The following DAPK3 variants were observed in gnomAD, a reference collection of about 807,000 sequenced individuals.
DAPK3 encodes the protein death associated protein kinase 3.
In DAPK3, 24 loss-of-function variants were observed where a neutral mutation model predicts 30.6. The observed-to-expected ratio is 0.78, with a 90% CI of 0.57 to 1.10. The LOEUF is 1.10. DAPK3 is among the 50% of genes least tolerant of loss of function. The pLI is 0.00. For synonymous variants in DAPK3, 341 were observed against 284.0 expected (o/e 1.20, Z -2.02); for missense variants, 629 against 657.3 (o/e 0.96, Z 0.47).
chr19:3,961,253 A>G, intron 6 of DAPK3, 92 bp from the exon 7 acceptor site: 1 of 1,079,930 alleles, frequency 9.3e-7, no homozygotes, highest in African/African-American at 1.5e-5. Context: ...GGAGCACAGA[A>G]GACAGGCTGA....
Position 3,969,738 on chromosome 19 carries a change from C to CG in DAPK3, c.-4dup. The CG allele has an allele frequency of 6.2e-7, 1 of 1,609,408 alleles. No individual in the cohort carries two copies. The highest frequency in any genetic ancestry group is 2.2e-5 in the East Asian group (1 of 44,862). Reference sequence around the variant, plus strand: ...TCCTCCTGCCTGAACGTGGACATGGCGGCCGGTCCGCCTTCCAGCAGCTTC... The same window carrying CG: ...TCCTCCTGCCTGAACGTGGACATGGCGGGCCGGTCCGCCTTCCAGCAGCTTC... On this transcript the variant is annotated 5_prime_UTR_variant, in exon 2 of 9. Coordinates refer to ENST00000545797, the MANE Select transcript of DAPK3 (RefSeq NM_001348.3).
At chr19:3,965,387 A>C (rs1032589418) in intron 2 of DAPK3, among the ~76,000 whole-genome samples, 1 of 152,178 alleles carries the variant, frequency 6.6e-6, no homozygotes, top group Non-Finnish European at 1.5e-5. Context: ...GAGTTCGAGG[A>C]GGGCAGATAA....
intron 3 of DAPK3, 108 bp downstream of exon 3, chr19:3,964,523 T>G: frequency 1.0e-5 from 8 of 779,956 alleles, no homozygotes; most frequent in East Asian, 4.9e-5. Context: ...ACCCCCACGC[T>G]CCCCACACCT....
At chr19:3,963,036 G>A (rs184422877) in intron 6 of DAPK3, among the ~76,000 whole-genome samples, 14 of 152,036 alleles carry the variant, frequency 9.2e-5, no homozygotes, top group African/African-American at 3.1e-4. Context: ...TGGGAGGTGG[G>A]GGTTGCAGTG....
intron 2 of DAPK3, among the ~76,000 whole-genome samples, chr19:3,966,023 G>A (rs1454896617): frequency 6.6e-6 from 1 of 152,068 alleles, no homozygotes; most frequent in Non-Finnish European, 1.5e-5. Flanking sequence ...GGCCTCAAGA[G>A]ATCCTCCCAC....
At chr19:3,962,734 G>C (rs544854284) in intron 6 of DAPK3, among the ~76,000 whole-genome samples, 2 of 141,392 alleles carry the variant, frequency 1.4e-5, no homozygotes, top group Non-Finnish European at 3.0e-5. Context: ...CCTGAGCTGA[G>C]ACGGGGCCTT....
chr19:3,970,355 C>T (rs1375257368), intron 1 of DAPK3, among the ~76,000 whole-genome samples: 1 of 152,132 alleles, frequency 6.6e-6, no homozygotes, highest in Non-Finnish European at 1.5e-5. Flanking sequence ...CCTGGAACTC[C>T]AAGGCTCAAG....
chr19:3,968,818 G>A (rs1307102649), intron 2 of DAPK3, among the ~76,000 whole-genome samples: 1 of 152,160 alleles, frequency 6.6e-6, no homozygotes, highest in Non-Finnish European at 1.5e-5. Context: ...GACATCATGG[G>A]GAGGCTCCAG....
chr19:3,964,736 C>T lies in DAPK3; in HGVS notation c.318G>A (p.Ala106=), dbSNP rs542006975. 4.8e-5 allele frequency: 78 copies of T among 1,612,926 alleles called. No homozygotes were observed. In the South Asian group the frequency reaches 5.4e-4, roughly 11 times the overall value. The change falls in exon 3 of 9, where the codon GCG becomes GCA. Residue 106 remains alanine (A), a synonymous_variant. Coordinates refer to ENST00000545797, the MANE Select transcript of DAPK3 (RefSeq NM_001348.3). ...VSGGELFDFL[A]EKESLTEDEA... ...CGTCCTCCGTCAGCGACTCCTTCTC[C>T]GCCAGGAAGTCAAAGAGCTCCCCGC... is the stretch of plus-strand genomic sequence containing the variant.
At chr19:3,967,159 C>T (rs1391023656) in intron 2 of DAPK3, among the ~76,000 whole-genome samples, 1 of 152,166 alleles carries the variant, frequency 6.6e-6, no homozygotes, top group Non-Finnish European at 1.5e-5. Flanking sequence ...TTTAAAAATG[C>T]GGGCTGGGAA....
At chr19:3,966,744 G>A (rs1010574843) in intron 2 of DAPK3, among the ~76,000 whole-genome samples, 1 of 152,164 alleles carries the variant, frequency 6.6e-6, no homozygotes, top group Admixed American at 6.5e-5. Flanking sequence ...TGTAAACCAC[G>A]CCTTTCCCTG....
At chr19:3,962,841 C>G (rs2039533575) in intron 6 of DAPK3, among the ~76,000 whole-genome samples, 1 of 151,578 alleles carries the variant, frequency 6.6e-6, no homozygotes, top group South Asian at 2.1e-4. Flanking sequence ...CGGCCCACGC[C>G]TGTAATCCCA....
At chr19:3,961,431 G>GC (rs1568190976) in intron 6 of DAPK3, 1 of 599,208 alleles carries the variant, frequency 1.7e-6, no homozygotes, top group Non-Finnish European at 3.3e-6. Context: ...CTGTGCAGAC[G>GC]CAGAGCCCGA....
chr19:3,961,395 G>A (rs564251534), intron 6 of DAPK3: 31 of 677,178 alleles, frequency 4.6e-5, no homozygotes, highest in South Asian at 3.7e-4. Flanking sequence ...TGAACAGGCA[G>A]AAGTCTCCTT....
Position 3,959,645 on chromosome 19 carries a change from G to C in DAPK3, c.829-8C>G, listed in dbSNP as rs932177064. 6.4e-7 allele frequency: 1 copy of C among 1,570,772 alleles called. No individual in the cohort carries two copies. Among genetic ancestry groups the C allele is most frequent in the South Asian group, 1.1e-5 (1 of 87,794 alleles). On this transcript the variant is annotated splice_region_variant and splice_polypyrimidine_tract_variant and intron_variant, in intron 8 of 8. Transcript: ENST00000545797. ...GTTCCGCCGCCGGATCGCCTAGGAA[G>C]GAGGGAAGCCTGAGCGGGGTCCCCG...
chr19:3,959,873 C>A, intron 8 of DAPK3, 186 bp downstream of exon 8: 1 of 638,018 alleles, frequency 1.6e-6, no homozygotes, highest in Non-Finnish European at 2.7e-6. Flanking sequence ...GCCACCAGGT[C>A]TGTCGGGTGC....
rs192567211 is a variant in DAPK3 at position 3,962,631 on chromosome 19, G to C, written c.629+1012C>G. On this transcript the variant is annotated intron_variant, in intron 6 of 8. Transcript: ENST00000545797. ...TCTCTACTAAAAATACAAATAATTA[G>C]CCAGGCATGGTGGCAGGCACCTGTA... is the stretch of plus-strand genomic sequence containing the variant. Among the ~76,000 whole-genome samples the C allele has an allele frequency of 3.5e-4, 53 of 152,086 alleles. No homozygotes were observed. In the East Asian group the frequency reaches 7.3e-3, roughly 21 times the overall value.
chr19:3,963,855 C>T lies in DAPK3; in HGVS notation c.602+16G>A, dbSNP rs757538893. On this transcript the variant is annotated intron_variant, in intron 5 of 8. Coordinates refer to ENST00000545797, the MANE Select transcript of DAPK3 (RefSeq NM_001348.3). The stretch of plus-strand genomic sequence containing the variant: ...GGAATGCAGGGAGGCCCGGTGGGAG[C>T]AGGTGGTACACTCACCACATGTCCG... 4 of 1,548,924 alleles carry T rather than the reference C, an allele frequency of 2.6e-6. No individual in the cohort carries two copies. The highest frequency in any genetic ancestry group is 3.6e-6 in the Non-Finnish European group (4 of 1,124,048).
At position 3,962,209 on chromosome 19, in the gene DAPK3, A is replaced by G. The variant is rs371633647; in HGVS notation, c.630-1048T>C. 8.5e-5 allele frequency among the ~76,000 whole-genome samples: 13 copies of G among 152,300 alleles called. No homozygotes were observed. In the East Asian group the frequency reaches 2.1e-3, roughly 25 times the overall value. On this transcript the variant is annotated intron_variant, in intron 6 of 8. Transcript: ENST00000545797. Reference sequence around the variant, plus strand: ...CACCAAGGCTAACGTCTTGGTGTTCATAACGTTCGTGTTCATGAAAAATGT... The same window carrying G: ...CACCAAGGCTAACGTCTTGGTGTTCGTAACGTTCGTGTTCATGAAAAATGT...
Sources: allele counts gnomAD v4.1 joint callset (sites outside exome capture counted in the v4.1 genomes callset), GRCh38; gene constraint gnomAD v4.1.1; transcripts MANE v1.5; gene names NCBI Gene and HGNC (gene_info 2026-07-23, HGNC 2026-07-21).